Variants in PDE9A observed in about 807,000 individuals in gnomAD.
PDE9A encodes phosphodiesterase 9A.
A neutral mutation model predicts 87.4 loss-of-function variants in PDE9A; 60 were observed. That is an observed-to-expected ratio of 0.69 (90% confidence interval 0.56 to 0.85). The LOEUF is 0.85. Ranked by LOEUF, PDE9A falls within the 40% of genes least tolerant of loss-of-function variation. The pLI, the probability that PDE9A is intolerant of heterozygous loss-of-function variation, is 0.00. For synonymous variants in PDE9A, 272 were observed against 279.4 expected, an observed-to-expected ratio of 0.97 and a Z score of 0.27; for missense variants, 665 against 779.0, an observed-to-expected ratio of 0.85 and a Z score of 1.74.
rs115506913 is a variant in PDE9A at position 42,694,010 on chromosome 21, A to T, written c.219-4958A>T. 8.0e-3 allele frequency among the ~76,000 whole-genome samples: 1,220 copies of T among 151,956 alleles called. 10 individuals are homozygous for T. Among genetic ancestry groups the T allele is most frequent in the African/African-American group, 0.028 (1,163 of 41,426 alleles). On this transcript the variant is annotated intron_variant, in intron 3 of 19. Coordinates refer to ENST00000291539, the MANE Select transcript of PDE9A (RefSeq NM_002606.3). This position sits in a 1 kb window ranked among gnomAD's most constrained non-coding sequence, Gnocchi z 5.3. ...AGTGATTCCAGCACACAGTCTGGGG[A>T]CTAACCGCTGATATAAGGTCTGGAA... is the stretch of plus-strand genomic sequence containing the variant.
rs936287892 is a variant in PDE9A at position 42,726,745 on chromosome 21, G to A, written c.263-5025G>A. ...CAAAGTGCTGGGATTACAGGCATGC[G>A]CCACTGTGTGTGGCTGGTATTTTAT... On this transcript the variant is annotated intron_variant, in intron 4 of 19. Coordinates refer to ENST00000291539, the MANE Select transcript of PDE9A (RefSeq NM_002606.3). Among the ~76,000 whole-genome samples, 59 of 148,654 alleles carry A rather than the reference G, an allele frequency of 4.0e-4. 1 individual carries two copies. The highest frequency in any genetic ancestry group is 1.4e-3 in the African/African-American group (55 of 40,048).
At chr21:42,740,622 G>GATGA (rs751005203) in intron 7 of PDE9A, among the ~76,000 whole-genome samples, 3 of 26,876 alleles carry the variant, frequency 1.1e-4, no homozygotes, top group Non-Finnish European at 3.2e-4. Flanking sequence ...TGGATGGATG[G>GATGA]ATGAATGGAT....
chr21:42,727,715 CT>C (rs1288243499), intron 4 of PDE9A, among the ~76,000 whole-genome samples: 1 of 152,028 alleles, frequency 6.6e-6, no homozygotes, highest in Non-Finnish European at 1.5e-5. Context: ...ATTTTGTATG[CT>C]TTCCACCCTG....
In PDE9A at chr21:42,717,900, G is replaced by GGTTT. The variant is rs113315019; in HGVS notation, c.263-13849_263-13846dup. 2.5e-3 allele frequency among the ~76,000 whole-genome samples: 381 copies of GGTTT among 150,906 alleles called. 5 individuals are homozygous for GGTTT. Among genetic ancestry groups the GGTTT allele is most frequent in the African/African-American group, 8.6e-3 (354 of 41,208 alleles). On this transcript the variant is annotated intron_variant, in intron 4 of 19. Coordinates refer to ENST00000291539, the MANE Select transcript of PDE9A (RefSeq NM_002606.3). ...TTTCTTCTCTGGCTGCTTTCTTTGG[G>GGTTT]GTTTGTTTGTTTGTTTGTTTGTTTT...
At position 42,726,611 on chromosome 21, in the gene PDE9A, TATATATATATATA is replaced by T. The variant is rs1237483558; in HGVS notation, c.263-5158_263-5146del. 3.7e-4 allele frequency among the ~76,000 whole-genome samples: 10 copies of T among 27,298 alleles called. 2 individuals are homozygous for T. The highest frequency in any genetic ancestry group is 2.6e-3 in the African/African-American group (10 of 3,830). The allele number at this position is 27,298 out of a possible 152,430, so 17.9% of individuals were successfully genotyped here. Reference sequence around the variant, plus strand: ...GCCTGGCCATATATATATATATATATATATATATATATATTTTTTTTTTTTTTTTTGTAGAGAT... The same window carrying T: ...GCCTGGCCATATATATATATATATATTTTTTTTTTTTTTTTTTGTAGAGAT... On this transcript the variant is annotated intron_variant, in intron 4 of 19. Coordinates refer to ENST00000291539, the MANE Select transcript of PDE9A (RefSeq NM_002606.3).
At position 42,695,384 on chromosome 21, in the gene PDE9A, T is replaced by C. The variant is rs1213787631; in HGVS notation, c.219-3584T>C. The stretch of plus-strand genomic sequence containing the variant: ...CGTTGCTTCCTGACAACCCTACCCC[T>C]TCCATTCCCCAGTCACTACTGCTTC... On this transcript the variant is annotated intron_variant, in intron 3 of 19. Coordinates refer to ENST00000291539, the MANE Select transcript of PDE9A (RefSeq NM_002606.3). The surrounding 1 kb of genome is among the most constrained non-coding windows in gnomAD (Gnocchi z 4.3). Among the ~76,000 whole-genome samples, 1 of 152,158 alleles carries C rather than the reference T, an allele frequency of 6.6e-6. No individual in the cohort carries two copies. The highest frequency in any genetic ancestry group is 1.5e-5 in the Non-Finnish European group (1 of 68,014).
At chr21:42,703,989 C>T (rs1440033769) in intron 4 of PDE9A, among the ~76,000 whole-genome samples, 1 of 152,224 alleles carries the variant, frequency 6.6e-6, no homozygotes, top group East Asian at 1.9e-4. Context: ...GGGGTTGGTT[C>T]AGGAGCATTC....
intron 4 of PDE9A, among the ~76,000 whole-genome samples, chr21:42,720,477 A>C (rs143630628): frequency 4.6e-5 from 7 of 152,170 alleles, no homozygotes; most frequent in African/African-American, 1.7e-4. Context: ...CTGGGCAACA[A>C]GAGCAAAACT....
rs2050647583 is a variant in PDE9A, at chr21:42,722,650, C to G, written c.263-9120C>G. Among the ~76,000 whole-genome samples the G allele has an allele frequency of 6.6e-6, 1 of 152,124 alleles. No individual in the cohort carries two copies. The highest frequency in any genetic ancestry group is 2.4e-5 in the African/African-American group (1 of 41,418). On this transcript the variant is annotated intron_variant, in intron 4 of 19. Coordinates refer to ENST00000291539, the MANE Select transcript of PDE9A (RefSeq NM_002606.3). The surrounding 1 kb of genome is among the most constrained non-coding windows in gnomAD (Gnocchi z 4.1). Reference sequence around the variant, plus strand: ...TAGGGCCATGTGTGCATTCGTTTGCCTAGGGGAGAAAAGTACACATTCCCA... The same window carrying G: ...TAGGGCCATGTGTGCATTCGTTTGCGTAGGGGAGAAAAGTACACATTCCCA...
chr21:42,715,447 T>TACTTCATTTTGTA (rs1440779726), intron 4 of PDE9A, among the ~76,000 whole-genome samples: 2 of 151,938 alleles, frequency 1.3e-5, no homozygotes, highest in Non-Finnish European at 1.5e-5. Context: ...GCCAACATGG[T>TACTTCATTTTGTA]GAAACCCTGT....
intron 8 of PDE9A, among the ~76,000 whole-genome samples, chr21:42,749,779 A>G (rs192932031): frequency 7.0e-4 from 106 of 152,378 alleles, no homozygotes; most frequent in African/African-American, 2.4e-3. Context: ...GGATGAGTTC[A>G]TGATATGTTA....
intron 19 of PDE9A, among the ~76,000 whole-genome samples, chr21:42,774,881 C>CAAAA (rs371603677): frequency 1.2e-4 from 14 of 112,354 alleles, no homozygotes; most frequent in South Asian, 6.4e-4. Context: ...GACTCCATCT[C>CAAAA]AAAAAAAAAA....
intron 1 of PDE9A, among the ~76,000 whole-genome samples, chr21:42,661,776 C>A (rs908225092): frequency 6.6e-6 from 1 of 152,220 alleles, no homozygotes; most frequent in African/African-American, 2.4e-5. Context: ...CCGAAGGCCT[C>A]TCCACGTCTT....
chr21:42,725,775 G>T (rs1432116022), intron 4 of PDE9A, among the ~76,000 whole-genome samples: 2 of 152,172 alleles, frequency 1.3e-5, no homozygotes, highest in South Asian at 2.1e-4. Flanking sequence ...TTGCATTTGG[G>T]ACTACTACAA....
At chr21:42,691,827 A>G (rs2059859749) in intron 3 of PDE9A, among the ~76,000 whole-genome samples, 1 of 147,816 alleles carries the variant, frequency 6.8e-6, no homozygotes, top group Non-Finnish European at 1.5e-5. Context: ...GGTCACCCAG[A>G]CCCATCACCA....
rs1290383059 is a variant in PDE9A at position 42,658,514 on chromosome 21, G to A, written c.69+4631G>A. On this transcript the variant is annotated intron_variant, in intron 1 of 19. Coordinates refer to ENST00000291539, the MANE Select transcript of PDE9A (RefSeq NM_002606.3). ...CTCCTGCGTGCCTTTCCCCTCTCCT[G>A]CCCACGACATGGTCAAATGCAAACC... Among the ~76,000 whole-genome samples, 16 of 152,316 alleles carry A rather than the reference G, an allele frequency of 1.1e-4. No homozygotes were observed. The South Asian group carries it at 3.1e-3, about 30-fold the overall frequency.
At chr21:42,670,370 T>A (rs573315325) in intron 1 of PDE9A, among the ~76,000 whole-genome samples, 6 of 106,400 alleles carry the variant, frequency 5.6e-5, no homozygotes, top group South Asian at 2.7e-4. Flanking sequence ...ACACACACAT[T>A]CACACACATT....
intron 3 of PDE9A, among the ~76,000 whole-genome samples, chr21:42,690,338 CGGG>C (rs2059746214): frequency 6.6e-6 from 1 of 151,462 alleles, no homozygotes; most frequent in Non-Finnish European, 1.5e-5. Context: ...TGGATCTAAC[CGGG>C]TACAGGTGAT....
intron 3 of PDE9A, among the ~76,000 whole-genome samples, chr21:42,689,032 C>T (rs2059638898): frequency 6.6e-6 from 1 of 151,832 alleles, no homozygotes; most frequent in African/African-American, 2.4e-5. Context: ...CAGTGCCGTC[C>T]TCAGCGAGGT....
Sources: allele counts gnomAD v4.1 joint callset (sites outside exome capture counted in the v4.1 genomes callset), GRCh38; gene constraint gnomAD v4.1.1; non-coding constraint Gnocchi (gnomAD v3.1); transcripts MANE v1.5; gene names NCBI Gene and HGNC (gene_info 2026-07-23, HGNC 2026-07-21).